DCUN1D4: variants seen among roughly 807,000 people sequenced by gnomAD.
DCUN1D4 encodes DCN1-like protein 4.
DCUN1D4 carries 22 observed loss-of-function variants against 47.9 expected under a neutral mutation model. That is an observed-to-expected ratio of 0.46 (90% CI 0.33 to 0.66). The LOEUF (loss-of-function observed/expected upper bound fraction) is 0.66, where lower values mean the gene tolerates loss of function less well. Among genes scored for constraint, DCUN1D4 ranks in the 30% least tolerant of loss-of-function variants. The probability of loss-of-function intolerance (pLI) is 0.02; values close to 1 mark genes in which losing one functional copy is unlikely to be tolerated. For synonymous variants in DCUN1D4, 121 were observed against 112.2 expected (o/e 1.08, Z -0.50); for missense variants, 301 against 340.8 (o/e 0.88, Z 0.92).
chr4:51,867,433 G>A (rs1034472160), intron 3 of DCUN1D4, among the ~76,000 whole-genome samples: 10 of 152,166 alleles, frequency 6.6e-5, no homozygotes, highest in Admixed American at 1.3e-4. Context: ...TTCTTGTCCC[G>A]CATCCAGGAA....
chr4:51,881,055 G>T (rs1233835125), intron 5 of DCUN1D4, among the ~76,000 whole-genome samples: 1 of 152,118 alleles, frequency 6.6e-6, no homozygotes. Context: ...TTGAACCCGG[G>T]AGGCAGAGGT....
chr4:51,895,091 C>T (rs1397204445), intron 7 of DCUN1D4, among the ~76,000 whole-genome samples: 1 of 151,904 alleles, frequency 6.6e-6, no homozygotes, highest in African/African-American at 2.4e-5. Flanking sequence ...AATAATCTCA[C>T]AAAGGCACCA....
intron 8 of DCUN1D4, among the ~76,000 whole-genome samples, chr4:51,908,593 A>ATT (rs769448543): frequency 6.8e-6 from 1 of 147,030 alleles, no homozygotes. Context: ...TGTTACGGTG[A>ATT]TTTTTTTTTT....
At chr4:51,837,640 A>G in the DCUN1D4 span, among the ~76,000 whole-genome samples, 2 of 143,066 alleles carry the variant, frequency 1.4e-5, no homozygotes, top group South Asian at 4.7e-4. Flanking sequence ...GGGCGACAGA[A>G]CGAGACTCCG....
At chr4:51,884,044 G>A (rs1017313981) in intron 5 of DCUN1D4, among the ~76,000 whole-genome samples, 1 of 150,566 alleles carries the variant, frequency 6.6e-6, no homozygotes, top group African/African-American at 2.4e-5. Flanking sequence ...TATATAAAAA[G>A]GGGATAGAAG....
In DCUN1D4 at chr4:51,877,763, C is replaced by T. The variant is rs755460753; in HGVS notation, c.252C>T (p.Ser84=). The T allele has an allele frequency of 6.3e-7, 1 of 1,594,192 alleles. No individual in the cohort carries two copies. The highest frequency in any genetic ancestry group is 1.1e-5 in the South Asian group (1 of 87,926). ...TTAAAACTGCCTTTTCAATTTCCAG[C>T]ATGTATAGAAAATATGATTCGACTA... ...DLSAKKSRHD[S]MYRKYDSTRI... The change falls in exon 5 of 11, where the codon AGC becomes AGT. Residue 84 remains serine (S), a splice_region_variant and synonymous_variant. Transcript: ENST00000334635.
intron 5 of DCUN1D4, among the ~76,000 whole-genome samples, chr4:51,883,791 TAAA>T (rs575113578): frequency 6.3e-4 from 96 of 152,254 alleles, no homozygotes; most frequent in African/African-American, 2.2e-3. Flanking sequence ...GAAGTGTTGT[TAAA>T]GAAGCTCTTT....
At chr4:51,864,574 G>A (rs1725600582) in intron 3 of DCUN1D4, among the ~76,000 whole-genome samples, 2 of 152,280 alleles carry the variant, frequency 1.3e-5, no homozygotes, top group Non-Finnish European at 2.9e-5. Flanking sequence ...GAAGGCACCA[G>A]CAGATCCTGG....
At chr4:51,854,880 G>T (rs527524899) in intron 1 of DCUN1D4, among the ~76,000 whole-genome samples, 57 of 152,296 alleles carry the variant, frequency 3.7e-4, no homozygotes, top group African/African-American at 1.3e-3. Context: ...GTGCTGACAT[G>T]ACACTTAGAG....
At chr4:51,869,543 T>C (rs1338201186) in intron 3 of DCUN1D4, among the ~76,000 whole-genome samples, 1 of 152,202 alleles carries the variant, frequency 6.6e-6, no homozygotes, top group Non-Finnish European at 1.5e-5. Flanking sequence ...AAGTAAAATA[T>C]ATTCTCTAAT....
upstream of DCUN1D4, among the ~76,000 whole-genome samples, chr4:51,839,081 GAC>G (rs887026381): frequency 2.6e-5 from 4 of 151,010 alleles, no homozygotes; most frequent in Admixed American, 2.7e-4. Context: ...TCTCAAAAGA[GAC>G]AGAGAGAGAG....
At position 51,886,612 on chromosome 4, in the gene DCUN1D4, G is replaced by A; in HGVS notation, c.388G>A (p.Glu130Lys). ...VGPEGMEKFC[E>K]DIGVEPENVV... ...CCCTGAAGGCATGGAGAAATTTTGT[G>A]AAGACATTGGTGTTGAACCAGAAAA... Residue 130 changes from glutamate (E) to lysine (K), a missense_variant, in exon 6 of 11, where the codon GAA (glutamate) becomes AAA (lysine). Coordinates refer to ENST00000334635, the MANE Select transcript of DCUN1D4 (RefSeq NM_001040402.3). The A allele has an allele frequency of 6.2e-7, 1 of 1,614,008 alleles. No homozygotes were observed. Among genetic ancestry groups the A allele is most frequent in the Non-Finnish European group, 8.5e-7 (1 of 1,179,936 alleles).
Position 51,913,713 on chromosome 4 carries a change from G to C in DCUN1D4, c.*129G>C. 2.4e-6 allele frequency: 2 copies of C among 843,542 alleles called. No individual in the cohort carries two copies. The highest frequency in any genetic ancestry group is 3.8e-6 in the Non-Finnish European group (2 of 526,434). The allele number at this position is 843,542 out of a possible 1,614,324, so 52.3% of individuals were successfully genotyped here. ...GTTTCCCTTTCGCAGGGACATGTTG[G>C]TGTTTGCTATTGAATTGGCCAGCTC... is the stretch of plus-strand genomic sequence containing the variant. On this transcript the variant is annotated 3_prime_UTR_variant, in exon 11 of 11. Transcript: ENST00000334635.
chr4:51,854,650 C>A (rs1326169031), intron 1 of DCUN1D4, among the ~76,000 whole-genome samples: 3 of 152,220 alleles, frequency 2.0e-5, no homozygotes, highest in African/African-American at 4.8e-5. Context: ...CTCATACAAT[C>A]CTCAGCCCAC....
At chr4:51,894,510 G>A (rs1407834381) in intron 7 of DCUN1D4, among the ~76,000 whole-genome samples, 1 of 151,964 alleles carries the variant, frequency 6.6e-6, no homozygotes, top group African/African-American at 2.4e-5. Flanking sequence ...TCCATTAAGA[G>A]GAGGGGCTTA....
intron 6 of DCUN1D4, among the ~76,000 whole-genome samples, chr4:51,889,163 A>C (rs1331684628): frequency 1.3e-5 from 2 of 152,224 alleles, no homozygotes; most frequent in African/African-American, 4.8e-5. Context: ...TATGTACTTC[A>C]ATTCCAAGCT....
chr4:51,873,033 A>G (rs574609539), intron 3 of DCUN1D4, among the ~76,000 whole-genome samples: 1 of 152,332 alleles, frequency 6.6e-6, no homozygotes, highest in African/African-American at 2.4e-5. Context: ...CATTCTTCAA[A>G]TGGCGAATGA....
chr4:51,905,618 A>G (rs1325917979), intron 8 of DCUN1D4, among the ~76,000 whole-genome samples: 6 of 152,178 alleles, frequency 3.9e-5, no homozygotes, highest in Non-Finnish European at 8.8e-5. Context: ...GAATAGACTA[A>G]AATGCTATAT....
intron 1 of DCUN1D4, among the ~76,000 whole-genome samples, chr4:51,857,714 G>A (rs989874076): frequency 8.5e-5 from 13 of 152,164 alleles, no homozygotes; most frequent in Admixed American, 2.0e-4. Context: ...AAATCTAAAC[G>A]CTCAAGCAGG....
Sources: gnomAD v4.1 joint callset for allele counts (sites outside exome capture counted in the v4.1 genomes callset) on GRCh38, gnomAD v4.1.1 for gene constraint, MANE v1.5 for transcripts, NCBI Gene and HGNC (gene_info 2026-07-23, HGNC 2026-07-21) for gene names.